KLF15: variants seen among roughly 807,000 people sequenced by gnomAD.
KLF15 encodes the protein KLF transcription factor 15, also known as Krueppel-like factor 15.
Under a neutral mutation model 24.6 loss-of-function variants are expected in KLF15, and 4 were observed. That is an observed-to-expected ratio of 0.16 (90% confidence interval 0.08 to 0.37). The LOEUF is 0.37. Ranked by LOEUF, KLF15 falls within the 10% of genes least tolerant of loss-of-function variation. The pLI, the probability that KLF15 is intolerant of heterozygous loss-of-function variation, is 1.00. For missense variants in KLF15, 496 were observed against 560.6 expected (o/e 0.88, Z 1.16); for synonymous variants, 246 against 236.3 (o/e 1.04, Z -0.37).
the KLF15 span, among the ~76,000 whole-genome samples, chr3:126,320,297 C>T: frequency 6.6e-6 from 1 of 152,212 alleles, no homozygotes; most frequent in Non-Finnish European, 1.5e-5. Flanking sequence ...GTAAAATCTT[C>T]TGGCTTTAAA....
rs202091653 is a variant in KLF15, at chr3:126,351,980, C to A, written c.943G>T (p.Ala315Ser). ...CATTTGTGCATTTTGATGAGTTCTG[C>A]GGCTGGGTTCTTGGGGAACTTCTGG... ...MGQKFPKNPA[A>S]ELIKMHKCTF... The change falls in exon 2 of 3, where the codon GCA becomes TCA. Residue 315 changes from alanine (A) to serine (S), a missense_variant. By Grantham distance (99) the Ala-to-Ser change is moderately conservative. Transcript: ENST00000296233. The A allele has an allele frequency of 2.5e-6, 4 of 1,593,888 alleles. No homozygotes were observed. Among genetic ancestry groups the A allele is most frequent in the South Asian group, 2.3e-5 (2 of 87,634 alleles).
the KLF15 span, among the ~76,000 whole-genome samples, chr3:126,329,012 T>C: frequency 6.6e-6 from 1 of 152,228 alleles, no homozygotes; most frequent in Admixed American, 6.5e-5. Context: ...ACTTCACTCA[T>C]AGGGTGTCTG....
the KLF15 span, among the ~76,000 whole-genome samples, chr3:126,312,613 C>T: frequency 7.2e-5 from 11 of 152,232 alleles, no homozygotes; most frequent in Non-Finnish European, 1.5e-4. Flanking sequence ...AACACAAGAA[C>T]CCTCCTGCTT....
intron 2 of KLF15, among the ~76,000 whole-genome samples, chr3:126,348,239 T>C (rs898066107): frequency 6.6e-6 from 1 of 152,092 alleles, no homozygotes; most frequent in Non-Finnish European, 1.5e-5. Flanking sequence ...CTCTGTGAAA[T>C]AGGGACAACA....
chr3:126,340,470 G>A (rs1475171670), downstream of KLF15, among the ~76,000 whole-genome samples: 2 of 152,256 alleles, frequency 1.3e-5, no homozygotes, highest in Non-Finnish European at 2.9e-5. Context: ...GCCAGCCCAG[G>A]CTGCTCCCTC....
the KLF15 span, among the ~76,000 whole-genome samples, chr3:126,303,558 A>G: frequency 6.6e-6 from 1 of 151,636 alleles, no homozygotes; most frequent in Non-Finnish European, 1.5e-5. Context: ...GCTCATTTTA[A>G]GGTTTTTTTG....
downstream of KLF15, among the ~76,000 whole-genome samples, chr3:126,342,136 C>T (rs1267345496): frequency 6.6e-6 from 1 of 152,220 alleles, no homozygotes; most frequent in African/African-American, 2.4e-5. Context: ...CTCTCCGAGT[C>T]TCACCTCTGC....
rs1307519448 is a variant in KLF15 at position 126,356,771 on chromosome 3, C to T, written c.-26+466G>A. Among the ~76,000 whole-genome samples, 2 of 152,072 alleles carry T rather than the reference C, an allele frequency of 1.3e-5. No individual in the cohort carries two copies. The highest frequency in any genetic ancestry group is 2.4e-5 in the African/African-American group (1 of 41,426). ...CCTTCTAGAGTCCTGGACCGCTGCC[C>T]GCTGGGCACCATGCCCTCGTCCCAC... On this transcript the variant is annotated intron_variant, in intron 1 of 2. Coordinates refer to ENST00000296233, the MANE Select transcript of KLF15 (RefSeq NM_014079.4). This position sits in a 1 kb window ranked among gnomAD's most constrained non-coding sequence, Gnocchi z 4.4.
chr3:126,293,977 T>A, the KLF15 span: 3 of 152,304 alleles, frequency 2.0e-5, no homozygotes, highest in Non-Finnish European at 4.4e-5. Context: ...CCTCCTCTGT[T>A]CCCAGCTCCC....
the KLF15 span, among the ~76,000 whole-genome samples, chr3:126,311,461 T>C: frequency 6.6e-6 from 1 of 152,162 alleles, no homozygotes; most frequent in African/African-American, 2.4e-5. Flanking sequence ...CCTTCCAGGT[T>C]TCTATCCTCT....
chr3:126,352,143 G>T lies in KLF15; in HGVS notation c.780C>A (p.Phe260Leu). The T allele has an allele frequency of 6.4e-7, 1 of 1,571,076 alleles. No individual in the cohort carries two copies. Among genetic ancestry groups the T allele is most frequent in the Non-Finnish European group, 8.6e-7 (1 of 1,157,650 alleles). The stretch of plus-strand genomic sequence containing the variant: ...AGGGTACCACCTGGGGCACGAGTGC[G>T]AAGGTCTGCCCCTGGATGTTGACCA... ...QLLVNIQGQT[F>L]ALVPQVVPSS... The change falls in exon 2 of 3, where the codon TTC (phenylalanine) becomes TTA (leucine). Residue 260 changes from phenylalanine to leucine, a missense_variant. This residue lies in a region of KLF15 where 399 missense variants were observed against 423.1 expected (regional missense o/e 0.94). Coordinates refer to ENST00000296233, the MANE Select transcript of KLF15 (RefSeq NM_014079.4).
chr3:126,330,568 G>A, the KLF15 span, among the ~76,000 whole-genome samples: 1 of 151,950 alleles, frequency 6.6e-6, no homozygotes, highest in Non-Finnish European at 1.5e-5. Context: ...CATTGGCAAG[G>A]ACTTTGCAAA....
chr3:126,297,406 C>G, the KLF15 span, among the ~76,000 whole-genome samples: 2 of 152,148 alleles, frequency 1.3e-5, no homozygotes, highest in Non-Finnish European at 2.9e-5. Context: ...CTATCATATA[C>G]TAAATTTCAT....
At chr3:126,344,446 C>T (rs1475184735) in intron 2 of KLF15, among the ~76,000 whole-genome samples, 1 of 152,226 alleles carries the variant, frequency 6.6e-6, no homozygotes, top group Non-Finnish European at 1.5e-5. Flanking sequence ...ACTGCCAGAG[C>T]AGCTGGTAAA....
At chr3:126,307,992 T>C in the KLF15 span, among the ~76,000 whole-genome samples, 1 of 152,204 alleles carries the variant, frequency 6.6e-6, no homozygotes, top group African/African-American at 2.4e-5. Flanking sequence ...AGGCTGGGTC[T>C]GGGTGGGAGC....
downstream of KLF15, among the ~76,000 whole-genome samples, chr3:126,339,470 G>A (rs1322049114): frequency 6.6e-6 from 1 of 152,118 alleles, no homozygotes; most frequent in Non-Finnish European, 1.5e-5. Context: ...ACATCGAGAT[G>A]TGCACTTTCC....
At chr3:126,293,654 T>C in the KLF15 span, among the ~76,000 whole-genome samples, 1 of 152,280 alleles carries the variant, frequency 6.6e-6, no homozygotes, top group South Asian at 2.1e-4. Context: ...CTGCAGAAAG[T>C]GCTCATGGTG....
chr3:126,299,645 A>G, the KLF15 span, among the ~76,000 whole-genome samples: 1 of 146,908 alleles, frequency 6.8e-6, no homozygotes, highest in Non-Finnish European at 1.5e-5. Flanking sequence ...GCTACTCAGG[A>G]GGCTGAGGCA....
intron 2 of KLF15, among the ~76,000 whole-genome samples, chr3:126,350,253 G>A (rs2082572165): frequency 6.6e-6 from 1 of 152,180 alleles, no homozygotes. Flanking sequence ...CCTCTCACAA[G>A]CAACCTGTCA....
Sources: allele counts gnomAD v4.1 joint callset (sites outside exome capture counted in the v4.1 genomes callset), GRCh38; gene constraint gnomAD v4.1.1; regional missense constraint gnomAD v4.1.1; non-coding constraint Gnocchi (gnomAD v3.1); transcripts MANE v1.5; gene names NCBI Gene and HGNC (gene_info 2026-07-23, HGNC 2026-07-21).